The following FRZB variants were observed in gnomAD, a reference collection of about 807,000 sequenced individuals.
The protein encoded by FRZB is frizzled related protein, also known as secreted frizzled-related protein 3.
In FRZB, 34 loss-of-function variants were observed where a neutral mutation model predicts 32.5. The ratio of observed to expected loss-of-function variants is 1.05; its 90% CI spans 0.80 to 1.39. The LOEUF (loss-of-function observed/expected upper bound fraction) is 1.39. Among genes scored for constraint, FRZB ranks in the 40% most tolerant of loss-of-function variants. The pLI, the probability that FRZB is intolerant of heterozygous loss-of-function variation, is 0.00. For synonymous variants in FRZB, 170 were observed against 159.2 expected (o/e 1.07, Z -0.51); for missense variants, 423 against 424.8 (o/e 1.00, Z 0.04).
chr2:182,862,226 G>A (rs1321152775), intron 1 of FRZB, among the ~76,000 whole-genome samples: 2 of 152,234 alleles, frequency 1.3e-5, no homozygotes, highest in Admixed American at 1.3e-4. Context: ...GCAGAAACGT[G>A]TTGAGCAAGA....
At chr2:182,852,403 T>G (rs555541804) in intron 2 of FRZB, among the ~76,000 whole-genome samples, 6 of 152,166 alleles carry the variant, frequency 3.9e-5, no homozygotes, top group Non-Finnish European at 8.8e-5. Flanking sequence ...GGAGAGCATC[T>G]GACTTACACT....
intron 2 of FRZB, among the ~76,000 whole-genome samples, chr2:182,849,227 A>AAAATAAATAAATAAAT: frequency 6.8e-6 from 1 of 146,562 alleles, no homozygotes; most frequent in Middle Eastern, 3.4e-3. Flanking sequence ...ACTCCGTCTC[A>AAAATAAATAAATAAAT]AAATAAATAA....
chr2:182,844,616 CTA>C (rs1695621092), intron 2 of FRZB, among the ~76,000 whole-genome samples: 1 of 152,142 alleles, frequency 6.6e-6, no homozygotes, highest in Non-Finnish European at 1.5e-5. Flanking sequence ...TTGGCAAAAA[CTA>C]TAGCAACTGT....
intron 2 of FRZB, among the ~76,000 whole-genome samples, chr2:182,850,923 G>A (rs1365843787): frequency 1.3e-5 from 2 of 152,042 alleles, no homozygotes; most frequent in African/African-American, 4.8e-5. Flanking sequence ...ATTCAAACTG[G>A]GGTGAGATAT....
chr2:182,845,830 A>G (rs1695633466), intron 2 of FRZB, among the ~76,000 whole-genome samples: 1 of 152,186 alleles, frequency 6.6e-6, no homozygotes, highest in Non-Finnish European at 1.5e-5. Flanking sequence ...CTCTCCTAAT[A>G]CTAATGATCT....
In FRZB at chr2:182,866,002, A is replaced by G; in HGVS notation, c.478+73T>C. ...CGAAGAGAAAAAAATTAGAGAGTAAAGGCTAGTAACAAGGACTCCAAGAAT... is the reference window on the plus strand; with the variant it reads ...CGAAGAGAAAAAAATTAGAGAGTAAGGGCTAGTAACAAGGACTCCAAGAAT... On this transcript the variant is annotated intron_variant, in intron 1 of 5. Transcript: ENST00000295113. The surrounding 1 kb of genome is among the most constrained non-coding windows in gnomAD (Gnocchi z 4.5). 8.5e-7 allele frequency: 1 copy of G among 1,179,724 alleles called. No individual in the cohort carries two copies. Among genetic ancestry groups the G allele is most frequent in the African/African-American group, 1.5e-5 (1 of 65,482 alleles). 73.1% of individuals were successfully genotyped at this position (1,179,724 alleles called of 1,614,324 possible). A position where few individuals can be genotyped will look rare whatever the true frequency, so the allele number is the denominator to read the frequency against.
chr2:182,837,589 G>A (rs1695541908), intron 5 of FRZB, among the ~76,000 whole-genome samples: 1 of 151,910 alleles, frequency 6.6e-6, no homozygotes, highest in African/African-American at 2.4e-5. Flanking sequence ...GCCATCTTGT[G>A]ACCTCCAGGT....
intron 1 of FRZB, among the ~76,000 whole-genome samples, chr2:182,861,018 GGGACAT>G (rs1240450753): frequency 3.3e-5 from 5 of 152,152 alleles, no homozygotes; most frequent in Non-Finnish European, 4.4e-5. Context: ...CGAGAGACTA[GGGACAT>G]GAGAATCTGG....
rs1366981838 is a variant in FRZB at position 182,834,893 on chromosome 2, G to A, written c.934C>T (p.Gln312Ter). 2.5e-6 allele frequency: 4 copies of A among 1,613,476 alleles called. No individual in the cohort carries two copies. Among genetic ancestry groups the A allele is most frequent in the Non-Finnish European group, 3.4e-6 (4 of 1,179,630 alleles). The change falls in exon 6 of 6, where the codon CAG (glutamine) becomes TAG (stop). Residue 312 changes from glutamine (Q) to a stop codon, truncating the protein, a stop_gained. Transcript: ENST00000295113. LOFTEE classifies it high-confidence loss of function. ...DSSNSDSTQS[Q>*]KSGRNSNPRQ... ...GGGTTCGAGTTCCTGCCAGACTTCT[G>A]ACTCTGAGTGGAATCACTATTGCTA...
At chr2:182,847,094 T>C (rs1463717098) in intron 2 of FRZB, among the ~76,000 whole-genome samples, 4 of 152,186 alleles carry the variant, frequency 2.6e-5, no homozygotes, top group Admixed American at 1.3e-4. Context: ...TGATGGGCAC[T>C]ACAGACAATC....
chr2:182,840,263 A>G lies in FRZB; in HGVS notation c.593-1650T>C, dbSNP rs1695573712. Among the ~76,000 whole-genome samples, 4 of 152,154 alleles carry G rather than the reference A, an allele frequency of 2.6e-5. No homozygotes were observed. The South Asian group carries it at 8.3e-4, about 32-fold the overall frequency. ...GGCAGAATCAGATGAGAAATTCACA[A>G]CCCCAGCTAGCAGGCATTTTTGTGT... On this transcript the variant is annotated intron_variant, in intron 3 of 5. Coordinates refer to ENST00000295113, the MANE Select transcript of FRZB (RefSeq NM_001463.4).
intron 2 of FRZB, among the ~76,000 whole-genome samples, chr2:182,848,094 G>A (rs777991494): frequency 4.7e-5 from 7 of 150,110 alleles, no homozygotes; most frequent in Non-Finnish European, 8.9e-5. Flanking sequence ...AAAAACAGCA[G>A]TGATGATACT....
intron 2 of FRZB, among the ~76,000 whole-genome samples, chr2:182,850,372 C>T (rs1695696974): frequency 6.6e-6 from 1 of 152,170 alleles, no homozygotes; most frequent in South Asian, 2.1e-4. Flanking sequence ...TTCATTCCCT[C>T]CTCCACGCTA....
chr2:182,842,073 G>C (rs1183211269), intron 3 of FRZB, among the ~76,000 whole-genome samples: 3 of 152,160 alleles, frequency 2.0e-5, no homozygotes, highest in Non-Finnish European at 4.4e-5. Flanking sequence ...AGTCAAGTTT[G>C]AGTCTTTTAA....
intron 5 of FRZB, among the ~76,000 whole-genome samples, chr2:182,835,591 A>T (rs914229106): frequency 6.6e-6 from 1 of 152,148 alleles, no homozygotes; most frequent in Non-Finnish European, 1.5e-5. Flanking sequence ...GTAATATTTC[A>T]TATTAACAAT....
Position 182,842,546 on chromosome 2 carries a change from GA to G in FRZB, c.527-4del. 6.2e-7 allele frequency: 1 copy of G among 1,608,076 alleles called. No homozygotes were observed. Reference sequence around the variant, plus strand: ...AATAGGCTTACATTTACAGCGTTCTGAAAAACACATTTTAGTTATAAGCACA... The same window carrying G: ...AATAGGCTTACATTTACAGCGTTCTGAAAACACATTTTAGTTATAAGCACA... On this transcript the variant is annotated splice_polypyrimidine_tract_variant and splice_region_variant and intron_variant, in intron 2 of 5. Coordinates refer to ENST00000295113, the MANE Select transcript of FRZB (RefSeq NM_001463.4).
At position 182,833,581 on chromosome 2, in the gene FRZB, C is replaced by T. The variant is rs561211006; in HGVS notation, c.*1268G>A. 2 of 152,212 alleles carry T rather than the reference C, an allele frequency of 1.3e-5. No individual in the cohort carries two copies. The highest frequency in any genetic ancestry group is 4.8e-5 in the African/African-American group (2 of 41,544). The allele number at this position is 152,212 out of a possible 1,614,324, so 9.4% of individuals were successfully genotyped here. ...AATTGAATCATTGTAAGCTAGGGAC[C>T]ATCTATAAAAGCATCATTTGTTCAC... On this transcript the variant is annotated 3_prime_UTR_variant, in exon 6 of 6. Transcript: ENST00000295113.
chr2:182,842,482 G>A lies in FRZB; in HGVS notation c.588C>T (p.Asn196=), dbSNP rs1345361586. ...TQKTYFRNNY[N]YVIRAKVKEI... is the part of the protein sequence containing the mutation. ...CAACCATGAAATTTTCCTTACCATA[G>A]TTGTAATTGTTCCGGAAATAGGTCT... Residue 196 remains asparagine (N), a synonymous_variant, in exon 3 of 6, where the codon AAC becomes AAT. Transcript: ENST00000295113. The A allele has an allele frequency of 1.2e-6, 2 of 1,610,848 alleles. No homozygotes were observed. The highest frequency in any genetic ancestry group is 2.2e-5 in the South Asian group (2 of 90,972).
intron 1 of FRZB, among the ~76,000 whole-genome samples, chr2:182,860,794 G>A (rs1169977403): frequency 6.6e-6 from 1 of 151,150 alleles, no homozygotes. Context: ...TTGAACCTTG[G>A]AGGCAGAGGT....
Sources: allele counts gnomAD v4.1 joint callset (sites outside exome capture counted in the v4.1 genomes callset), GRCh38; gene constraint gnomAD v4.1.1; non-coding constraint Gnocchi (gnomAD v3.1); transcripts MANE v1.5; gene names NCBI Gene and HGNC (gene_info 2026-07-23, HGNC 2026-07-21).